PLCZ1: variants seen among roughly 807,000 people sequenced by gnomAD.
The protein encoded by PLCZ1 is 1-phosphatidylinositol 4,5-bisphosphate phosphodiesterase zeta-1.
A neutral mutation model predicts 76.8 loss-of-function variants in PLCZ1; 64 were observed. The ratio of observed to expected loss-of-function variants is 0.83; its 90% CI spans 0.68 to 1.03. PLCZ1 has a LOEUF of 1.03. Among genes scored for constraint, PLCZ1 ranks in the 50% least tolerant of loss-of-function variants. The pLI is 0.00. For synonymous variants in PLCZ1, 248 were observed against 230.8 expected, an observed-to-expected ratio of 1.07 and a Z score of -0.68; for missense variants, 751 against 713.7, an observed-to-expected ratio of 1.05 and a Z score of -0.60.
chr12:18,699,753 C>T (rs780627073), intron 10 of PLCZ1, 41 bp downstream of exon 10: 19 of 1,574,840 alleles, frequency 1.2e-5, no homozygotes, highest in Non-Finnish European at 1.5e-5. Flanking sequence ...GTGAATCTAA[C>T]TCATTTAAAC....
chr12:18,650,718 A>ATATC, the PLCZ1 span, among the ~76,000 whole-genome samples: 4 of 7,112 alleles, frequency 5.6e-4, no homozygotes, highest in Admixed American at 4.0e-3. Flanking sequence ...ATATCTATAT[A>ATATC]TATATATATA....
intron 1 of PLCZ1, 156 bp downstream of exon 1, chr12:18,737,776 C>T (rs953366164): frequency 2.1e-5 from 7 of 333,230 alleles, no homozygotes; most frequent in Non-Finnish European, 3.4e-5. Context: ...AACCTTTCAT[C>T]ATAATATGCT....
chr12:18,659,204 C>A, the PLCZ1 span, among the ~76,000 whole-genome samples: 1 of 152,098 alleles, frequency 6.6e-6, no homozygotes, highest in African/African-American at 2.4e-5. Flanking sequence ...CAAAAACTAG[C>A]CAACTTTAGG....
intron 12 of PLCZ1, among the ~76,000 whole-genome samples, chr12:18,692,607 G>A (rs962415974): frequency 1.3e-5 from 2 of 152,098 alleles, no homozygotes; most frequent in African/African-American, 2.4e-5. Flanking sequence ...TAAAAAGGAA[G>A]CAATATGAGG....
intron 5 of PLCZ1, among the ~76,000 whole-genome samples, chr12:18,715,189 GA>G (rs1565719371): frequency 2.2e-4 from 4 of 18,146 alleles, no homozygotes; most frequent in Non-Finnish European, 6.5e-4. Context: ...GGGGCGGAGG[GA>G]GGGAGAGAGA....
In PLCZ1 at chr12:18,713,127, G is replaced by A. The variant is rs1343214648; in HGVS notation, c.570-141C>T. 10 of 1,155,596 alleles carry A rather than the reference G, an allele frequency of 8.7e-6. No individual in the cohort carries two copies. In the Admixed American group the frequency reaches 2.2e-4, roughly 26 times the overall value. The allele number at this position is 1,155,596 out of a possible 1,614,324, so 71.6% of individuals were successfully genotyped here. ...TAAAACTCTATAAAAACTTGTCTTT[G>A]GGACAAGTTTTGAGTCTCTAGAAAT... On this transcript the variant is annotated intron_variant, in intron 5 of 14. Transcript: ENST00000266505.
At chr12:18,706,242 AT>A (rs1285795894) in intron 6 of PLCZ1, among the ~76,000 whole-genome samples, 2 of 151,084 alleles carry the variant, frequency 1.3e-5, no homozygotes, top group East Asian at 1.9e-4. Context: ...AAAAATAAAA[AT>A]AAAAAAAAAA....
the PLCZ1 span, among the ~76,000 whole-genome samples, chr12:18,650,730 A>G: frequency 6.4e-4 from 16 of 25,180 alleles, no homozygotes; most frequent in African/African-American, 4.7e-3. Context: ...ATATATATAT[A>G]TATATATATA....
In PLCZ1 at chr12:18,720,079, G is replaced by C. The variant is rs138307102; in HGVS notation, c.368-447C>G. On this transcript the variant is annotated intron_variant, in intron 4 of 14. Coordinates refer to ENST00000266505, the MANE Select transcript of PLCZ1 (RefSeq NM_033123.4). ...AAGCATAGATTAGTTTTCTTTGGTT[G>C]TTGCACTTTATATGAATTGACTCAG... Among the ~76,000 whole-genome samples, 810 of 152,128 alleles carry C rather than the reference G, an allele frequency of 5.3e-3. 19 individuals carry two copies. The highest frequency in any genetic ancestry group is 0.015 in the Admixed American group (228 of 15,278).
chr12:18,675,534 A>T, the PLCZ1 span, among the ~76,000 whole-genome samples: 32 of 152,174 alleles, frequency 2.1e-4, no homozygotes, highest in Non-Finnish European at 1.2e-4. Flanking sequence ...CACCCAAAGG[A>T]AAAGAAATGA....
chr12:18,701,689 T>TA lies in PLCZ1; in HGVS notation c.949+2dup. 6.2e-7 allele frequency: 1 copy of TA among 1,610,370 alleles called. No individual in the cohort carries two copies. Among genetic ancestry groups the TA allele is most frequent in the Non-Finnish European group, 8.5e-7 (1 of 1,178,078 alleles). The stretch of plus-strand genomic sequence containing the variant: ...ACTTCTTCTTCCCATTCCTCCACCT[T>TA]ACCACGCTTATCAGAACCTTTTCTT... On this transcript the variant is annotated splice_region_variant and intron_variant, in intron 8 of 14. Transcript: ENST00000266505.
At chr12:18,731,862 C>T (rs1959066474) in intron 3 of PLCZ1, among the ~76,000 whole-genome samples, 1 of 152,100 alleles carries the variant, frequency 6.6e-6, no homozygotes, top group Non-Finnish European at 1.5e-5. Flanking sequence ...TTCCTTCTGT[C>T]ATCTAGTGAC....
intron 6 of PLCZ1, among the ~76,000 whole-genome samples, chr12:18,706,605 A>G (rs12823264): frequency 5.9e-5 from 9 of 152,250 alleles, no homozygotes; most frequent in African/African-American, 1.9e-4. Context: ...CTTGCCATTA[A>G]ATAGGGAACA....
At position 18,693,128 on chromosome 12, in the gene PLCZ1, T is replaced by C. The variant is rs1389115336; in HGVS notation, c.1461+1782A>G. On this transcript the variant is annotated intron_variant, in intron 12 of 14. Transcript: ENST00000266505. ...TAGGAATCTTGGAAGAGATCATTGA[T>C]GACAATCATGCCATCGTGTCTACAT... is the stretch of plus-strand genomic sequence containing the variant. 11 of 1,517,592 alleles carry C rather than the reference T, an allele frequency of 7.2e-6. No homozygotes were observed. The East Asian group carries it at 2.5e-4, about 34-fold the overall frequency. 94.0% of individuals were successfully genotyped at this position (1,517,592 alleles called of 1,614,324 possible).
chr12:18,701,122 C>T (rs1218723558), intron 9 of PLCZ1, among the ~76,000 whole-genome samples: 1 of 151,862 alleles, frequency 6.6e-6, no homozygotes. Flanking sequence ...GTAGTTGGAA[C>T]TACAGGCATG....
chr12:18,708,139 G>A (rs1446162217), intron 6 of PLCZ1, among the ~76,000 whole-genome samples: 1 of 152,048 alleles, frequency 6.6e-6, no homozygotes, highest in East Asian at 1.9e-4. Context: ...GTGCTACTTT[G>A]TAGCCTCTGA....
the PLCZ1 span, among the ~76,000 whole-genome samples, chr12:18,665,088 C>A: frequency 6.6e-6 from 1 of 151,030 alleles, no homozygotes; most frequent in Non-Finnish European, 1.5e-5. Context: ...AGCACAACAG[C>A]ATGGCACATG....
At chr12:18,710,431 G>A (rs189685143) in intron 6 of PLCZ1, among the ~76,000 whole-genome samples, 1 of 152,046 alleles carries the variant, frequency 6.6e-6, no homozygotes, top group Admixed American at 6.6e-5. Flanking sequence ...TGGAGTAGCA[G>A]GAGAGTTAAA....
Position 18,695,013 on chromosome 12 carries a change from C to T in PLCZ1, c.1358G>A (p.Gly453Asp), listed in dbSNP as rs749562548. The change falls in exon 12 of 15, where the codon GGT becomes GAT. Residue 453 changes from glycine to aspartate, a missense_variant. Coordinates refer to ENST00000266505, the MANE Select transcript of PLCZ1 (RefSeq NM_033123.4). The part of the protein sequence containing the change: ...DLQNGKFLDN[G>D]GSGYILKPHF... The stretch of plus-strand genomic sequence containing the variant: ...TGGTTTCAAAATATATCCAGAACCA[C>T]CATTATCCAAAAATTTCCCATTTTG... The T allele has an allele frequency of 2.5e-6, 4 of 1,612,414 alleles. No individual in the cohort carries two copies. The highest frequency in any genetic ancestry group is 3.4e-6 in the Non-Finnish European group (4 of 1,178,736).
Sources: allele counts gnomAD v4.1 joint callset (sites outside exome capture counted in the v4.1 genomes callset), GRCh38; gene constraint gnomAD v4.1.1; transcripts MANE v1.5; gene names NCBI Gene and HGNC (gene_info 2026-07-23, HGNC 2026-07-21).